The following UCK2 variants were observed in gnomAD, a reference collection of about 807,000 sequenced individuals.
UCK2 encodes the protein uridine-cytidine kinase 2.
UCK2 carries 6 observed loss-of-function variants against 30.8 expected under a neutral mutation model. The observed-to-expected ratio is 0.19, with a 90% CI of 0.11 to 0.38. The LOEUF (loss-of-function observed/expected upper bound fraction) is 0.38, where lower values mean the gene tolerates loss of function less well. Ranked by LOEUF, UCK2 falls within the 10% of genes least tolerant of loss-of-function variation. UCK2 has a pLI of 1.00. For synonymous variants in UCK2, 125 were observed against 133.6 expected (o/e 0.94, Z 0.45); for missense variants, 210 against 339.8 (o/e 0.62, Z 3.00).
At chr1:165,886,630 C>G (rs1017289406) in intron 1 of UCK2, among the ~76,000 whole-genome samples, 1 of 152,148 alleles carries the variant, frequency 6.6e-6, no homozygotes, top group Admixed American at 6.5e-5. Flanking sequence ...CACCTCAGAG[C>G]TCCATTTCAT....
intron 1 of UCK2, among the ~76,000 whole-genome samples, chr1:165,831,320 G>A (rs920846033): frequency 6.6e-6 from 1 of 152,170 alleles, no homozygotes; most frequent in African/African-American, 2.4e-5. Context: ...GGACTTGGAG[G>A]CTGCAGTGAG....
intron 1 of UCK2, among the ~76,000 whole-genome samples, chr1:165,872,776 C>G (rs79339735): frequency 3.9e-5 from 6 of 152,036 alleles, no homozygotes; most frequent in Non-Finnish European, 8.8e-5. Context: ...GTGCAGACAG[C>G]GTGTATTAGT....
rs10571444 is a variant in UCK2, at chr1:165,854,598, A to AAAATAAATAAAT, written c.99+26702_99+26713dup. 4.6e-4 allele frequency among the ~76,000 whole-genome samples: 66 copies of AAAATAAATAAAT among 143,686 alleles called. 1 individual carries two copies. Among genetic ancestry groups the AAAATAAATAAAT allele is most frequent in the Admixed American group, 1.6e-3 (23 of 14,218 alleles). The allele number at this position is 143,686 out of a possible 152,430, so 94.3% of individuals were successfully genotyped here. ...ATTGCTAACTAGGCTTCCTTTTTTAAAAATAAATAAATAAATAAATAAATA... is the reference window on the plus strand; with the variant it reads ...ATTGCTAACTAGGCTTCCTTTTTTAAAAATAAATAAATAAATAAATAAATAAATAAATAAATA... On this transcript the variant is annotated intron_variant, in intron 1 of 6. Transcript: ENST00000367879.
At chr1:165,861,815 A>T (rs1228437952) in intron 1 of UCK2, among the ~76,000 whole-genome samples, 2 of 152,174 alleles carry the variant, frequency 1.3e-5, no homozygotes, top group Non-Finnish European at 2.9e-5. Flanking sequence ...GGATTCAGAC[A>T]TCAGCTTGTG....
intron 6 of UCK2, among the ~76,000 whole-genome samples, chr1:165,906,446 A>G (rs1647662844): frequency 6.6e-6 from 1 of 152,214 alleles, no homozygotes; most frequent in East Asian, 1.9e-4. Context: ...GTGCAGTAGC[A>G]CAGTCACAGC....
chr1:165,874,616 A>T (rs372531478), intron 1 of UCK2, among the ~76,000 whole-genome samples: 1 of 152,194 alleles, frequency 6.6e-6, no homozygotes, highest in East Asian at 1.9e-4. Flanking sequence ...CTTAGCCTGG[A>T]ACTCCAAACC....
intron 1 of UCK2, among the ~76,000 whole-genome samples, chr1:165,840,214 C>T (rs1220880376): frequency 2.0e-5 from 3 of 152,252 alleles, no homozygotes; most frequent in South Asian, 2.1e-4. Flanking sequence ...CCACTGTGCC[C>T]GGCCTGGTCA....
intron 1 of UCK2, among the ~76,000 whole-genome samples, chr1:165,880,564 GGGGTGT>G (rs61098665): frequency 0.08 from 7,968 of 99,960 alleles, 294 homozygotes; most frequent in Middle Eastern, 0.1. Context: ...GTTTTTTTTG[GGGGTGT>G]GTGTGTGTGT....
intron 1 of UCK2, among the ~76,000 whole-genome samples, chr1:165,853,208 A>G (rs1654641920): frequency 6.6e-6 from 1 of 152,198 alleles, no homozygotes; most frequent in Non-Finnish European, 1.5e-5. Flanking sequence ...GGCCTCTCCC[A>G]AATCTAATCA....
At chr1:165,831,468 ACTT>A (rs1384281254) in intron 1 of UCK2, among the ~76,000 whole-genome samples, 1 of 152,172 alleles carries the variant, frequency 6.6e-6, no homozygotes, top group Non-Finnish European at 1.5e-5. Flanking sequence ...CCCAGGCTAA[ACTT>A]CTTTGCCTGC....
At chr1:165,893,026 A>G (rs1054771482) in intron 3 of UCK2, among the ~76,000 whole-genome samples, 1 of 152,136 alleles carries the variant, frequency 6.6e-6, no homozygotes, top group Non-Finnish European at 1.5e-5. Flanking sequence ...GGAGCTACAG[A>G]CGGGTCTATT....
chr1:165,842,492 C>T (rs6677965), intron 1 of UCK2, among the ~76,000 whole-genome samples: 63,027 of 152,000 alleles, frequency 0.41, 14,356 homozygotes, highest in Non-Finnish European at 0.51. Context: ...ATGTACAAGA[C>T]AGAAACCTTA....
chr1:165,854,940 T>G (rs1248579640), intron 1 of UCK2, among the ~76,000 whole-genome samples: 2 of 152,214 alleles, frequency 1.3e-5, no homozygotes, highest in Non-Finnish European at 2.9e-5. Flanking sequence ...GTTTGAATAA[T>G]TAAATAAATT....
At chr1:165,891,456 G>A in intron 3 of UCK2, 134 bp downstream of exon 3, 1 of 749,784 alleles carries the variant, frequency 1.3e-6, no homozygotes, top group East Asian at 2.7e-5. Context: ...ATTCCAGCTG[G>A]TCAGTGGAGT....
At chr1:165,854,151 A>G (rs1011986334) in intron 1 of UCK2, among the ~76,000 whole-genome samples, 4 of 152,168 alleles carry the variant, frequency 2.6e-5, no homozygotes, top group Admixed American at 1.3e-4. Context: ...AGCGCATAGG[A>G]AGCATTGGAG....
intron 1 of UCK2, among the ~76,000 whole-genome samples, chr1:165,882,969 C>T (rs1039691964): frequency 8.6e-5 from 13 of 152,038 alleles, no homozygotes; most frequent in African/African-American, 2.4e-4. Context: ...GGACTACAGG[C>T]GCGTGCCACC....
At chr1:165,844,484 T>G (rs1202912604) in intron 1 of UCK2, among the ~76,000 whole-genome samples, 1 of 152,120 alleles carries the variant, frequency 6.6e-6, no homozygotes, top group Non-Finnish European at 1.5e-5. Flanking sequence ...CCCTCAAACC[T>G]TTGTAATTTC....
rs750750876 is a variant in UCK2 at position 165,907,798 on chromosome 1, C to T, written c.761C>T (p.Ser254Leu). The T allele has an allele frequency of 7.4e-6, 12 of 1,614,068 alleles. No individual in the cohort carries two copies. Among genetic ancestry groups the T allele is most frequent in the East Asian group, 2.2e-5 (1 of 44,888 alleles). The part of the protein sequence containing the change: ...GYTPSRKRQA[S>L]ESSSRPH ...ACCCCTTCACGCAAGAGGCAGGCAT[C>T]GGAGTCCAGCAGCAGGCCGCATTGA... is the stretch of plus-strand genomic sequence containing the variant. Residue 254 changes from serine to leucine, a missense_variant, in exon 7 of 7, where the codon TCG (serine) becomes TTG (leucine). Physicochemically the swap from Ser to Leu is moderately radical, Grantham distance 145. Transcript: ENST00000367879.
At chr1:165,897,797 G>T (rs1314512916) in intron 4 of UCK2, among the ~76,000 whole-genome samples, 1 of 152,214 alleles carries the variant, frequency 6.6e-6, no homozygotes, top group African/African-American at 2.4e-5. Context: ...TATTAAGTCA[G>T]TGGGAGCTAC....
Sources: gnomAD v4.1 joint callset for allele counts (sites outside exome capture counted in the v4.1 genomes callset) on GRCh38, gnomAD v4.1.1 for gene constraint, MANE v1.5 for transcripts, NCBI Gene and HGNC (gene_info 2026-07-23, HGNC 2026-07-21) for gene names.